Variants in MYO1D observed in about 807,000 individuals in gnomAD.
The protein encoded by MYO1D is unconventional myosin-Id.
MYO1D carries 83 observed loss-of-function variants against 122.0 expected under a neutral mutation model. The ratio of observed to expected loss-of-function variants is 0.68; its 90% CI spans 0.57 to 0.82. The LOEUF (loss-of-function observed/expected upper bound fraction) is 0.82. Among genes scored for constraint, MYO1D ranks in the 40% least tolerant of loss-of-function variants. The probability of loss-of-function intolerance (pLI) is 0.00; values close to 1 mark genes in which losing one functional copy is unlikely to be tolerated. For synonymous variants in MYO1D, 464 were observed against 446.9 expected (o/e 1.04, Z -0.48); for missense variants, 1,157 against 1,269.5 (o/e 0.91, Z 1.35).
intron 16 of MYO1D, among the ~76,000 whole-genome samples, chr17:32,706,758 G>A (rs923505958): frequency 4.6e-5 from 7 of 151,892 alleles, no homozygotes; most frequent in Non-Finnish European, 7.4e-5. Flanking sequence ...GTGTAGTGGC[G>A]CGATCTCAGC....
chr17:32,610,843 T>C (rs191433788), intron 20 of MYO1D, among the ~76,000 whole-genome samples: 48 of 152,294 alleles, frequency 3.2e-4, no homozygotes, highest in African/African-American at 1.1e-3. Context: ...CTCATTGCAT[T>C]TGGGCAGCCA....
chr17:32,494,980 G>C (rs1177879181), intron 21 of MYO1D, 65 bp from the exon 22 acceptor site: 1 of 1,476,810 alleles, frequency 6.8e-7, no homozygotes, highest in African/African-American at 1.4e-5. Flanking sequence ...CACCTGCCCG[G>C]CAGCTCCCGG....
chr17:32,534,663 A>G (rs1480956718), intron 21 of MYO1D, among the ~76,000 whole-genome samples: 1 of 152,190 alleles, frequency 6.6e-6, no homozygotes, highest in Non-Finnish European at 1.5e-5. Flanking sequence ...AGTACAAAAA[A>G]CAGCTGAAGA....
intron 1 of MYO1D, among the ~76,000 whole-genome samples, chr17:32,783,895 T>A (rs751801890): frequency 3.9e-5 from 6 of 152,234 alleles, no homozygotes; most frequent in African/African-American, 1.4e-4. Context: ...GGTGTTCCTA[T>A]GACTTCTGTG....
intron 21 of MYO1D, among the ~76,000 whole-genome samples, chr17:32,562,558 C>T (rs1056018904): frequency 2.0e-4 from 31 of 152,016 alleles, no homozygotes; most frequent in East Asian, 1.2e-3. Context: ...TCAAGGCTCA[C>T]TGCAGCCTTG....
At chr17:32,781,242 T>A (rs2090234598) in intron 1 of MYO1D, among the ~76,000 whole-genome samples, 2 of 152,186 alleles carry the variant, frequency 1.3e-5, no homozygotes, top group African/African-American at 4.8e-5. Context: ...AGTAAATTAA[T>A]ATAAACAGTA....
intron 21 of MYO1D, among the ~76,000 whole-genome samples, chr17:32,569,055 T>C (rs1193849329): frequency 6.6e-6 from 1 of 152,186 alleles, no homozygotes; most frequent in Non-Finnish European, 1.5e-5. Flanking sequence ...CAGTTGATAA[T>C]AAATAAATCC....
intron 1 of MYO1D, among the ~76,000 whole-genome samples, chr17:32,797,986 CA>C (rs1187181227): frequency 6.6e-6 from 1 of 152,148 alleles, no homozygotes; most frequent in Non-Finnish European, 1.5e-5. Context: ...TGCCCAGTTA[CA>C]GGTAAGAAAG....
intron 16 of MYO1D, among the ~76,000 whole-genome samples, chr17:32,675,325 TG>T (rs2088791881): frequency 1.3e-5 from 2 of 152,220 alleles, no homozygotes; most frequent in African/African-American, 4.8e-5. Context: ...AAGTTTTATA[TG>T]GTCTTCATAA....
chr17:32,552,431 T>C (rs141233213), intron 21 of MYO1D, among the ~76,000 whole-genome samples: 19 of 151,308 alleles, frequency 1.3e-4, no homozygotes, highest in East Asian at 3.9e-4. Flanking sequence ...CATCCATCCA[T>C]CCATCCATCC....
chr17:32,508,024 G>A (rs1909559390), intron 21 of MYO1D, among the ~76,000 whole-genome samples: 1 of 151,716 alleles, frequency 6.6e-6, no homozygotes, highest in African/African-American at 2.4e-5. Context: ...AGCCTCCTGA[G>A]TAGCTGGGAT....
At chr17:32,579,002 A>T (rs1352553747) in intron 21 of MYO1D, among the ~76,000 whole-genome samples, 1 of 152,154 alleles carries the variant, frequency 6.6e-6, no homozygotes, top group East Asian at 1.9e-4. Flanking sequence ...ACAATCTCTG[A>T]TCTTGCCACT....
At chr17:32,614,765 A>C (rs151060606) in intron 20 of MYO1D, among the ~76,000 whole-genome samples, 2 of 152,198 alleles carry the variant, frequency 1.3e-5, no homozygotes, top group Non-Finnish European at 2.9e-5. Context: ...TGAAAGCAAC[A>C]ACTTGCTTGA....
At chr17:32,675,688 C>T (rs2088796968) in intron 16 of MYO1D, among the ~76,000 whole-genome samples, 1 of 151,906 alleles carries the variant, frequency 6.6e-6, no homozygotes, top group Non-Finnish European at 1.5e-5. Flanking sequence ...CTTTGGGTTT[C>T]TATTTTATTA....
chr17:32,639,662 T>C (rs951933117), intron 19 of MYO1D, among the ~76,000 whole-genome samples: 1 of 152,068 alleles, frequency 6.6e-6, no homozygotes, highest in African/African-American at 2.4e-5. Flanking sequence ...TCCTAAGTTG[T>C]TGAGACTGCC....
chr17:32,777,126 T>TCCTG (rs1306661618), intron 3 of MYO1D, among the ~76,000 whole-genome samples: 2 of 152,218 alleles, frequency 1.3e-5, no homozygotes, highest in African/African-American at 4.8e-5. Context: ...ATTTCTCATC[T>TCCTG]AGTTGCTCTC....
At chr17:32,634,643 C>T (rs1466016891) in intron 20 of MYO1D, among the ~76,000 whole-genome samples, 1 of 152,192 alleles carries the variant, frequency 6.6e-6, no homozygotes, top group Non-Finnish European at 1.5e-5. Context: ...ATGAAGACTA[C>T]GTTCAAGAAT....
At chr17:32,562,691 C>T (rs2087136988) in intron 21 of MYO1D, among the ~76,000 whole-genome samples, 1 of 152,170 alleles carries the variant, frequency 6.6e-6, no homozygotes, top group African/African-American at 2.4e-5. Flanking sequence ...CTATGTTGCC[C>T]AGGCTGGCCT....
chr17:32,722,999 T>C (rs889590576), intron 14 of MYO1D, among the ~76,000 whole-genome samples: 1 of 152,124 alleles, frequency 6.6e-6, no homozygotes, highest in Non-Finnish European at 1.5e-5. Flanking sequence ...TGACCAAAGA[T>C]TTAGTCAATC....
Sources: allele counts gnomAD v4.1 joint callset (sites outside exome capture counted in the v4.1 genomes callset), GRCh38; gene constraint gnomAD v4.1.1; transcripts MANE v1.5; gene names NCBI Gene and HGNC (gene_info 2026-07-23, HGNC 2026-07-21).